ALDH1A1: variants seen among roughly 807,000 people sequenced by gnomAD.
ALDH1A1 encodes aldehyde dehydrogenase 1 family member A1, also known as aldehyde dehydrogenase 1A1.
A neutral mutation model predicts 62.1 loss-of-function variants in ALDH1A1; 19 were observed. The ratio of observed to expected loss-of-function variants is 0.31; its 90% CI spans 0.21 to 0.45. The LOEUF (loss-of-function observed/expected upper bound fraction) is 0.45. Ranked by LOEUF, ALDH1A1 falls within the 20% of genes least tolerant of loss-of-function variation. The probability of loss-of-function intolerance (pLI) is 1.00; values close to 1 mark genes in which losing one functional copy is unlikely to be tolerated. For synonymous variants in ALDH1A1, 231 were observed against 215.9 expected (o/e 1.07, Z -0.61); for missense variants, 521 against 607.1 (o/e 0.86, Z 1.49).
In ALDH1A1 at chr9:72,916,940, C is replaced by T. The variant is rs1227217601; in HGVS notation, c.1015G>A (p.Gly339Arg). Residue 339 changes from glycine to arginine, a missense_variant, in exon 9 of 13, where the codon GGA (glycine) becomes AGA (arginine). Physicochemically the swap from Gly to Arg is moderately radical, Grantham distance 125. Coordinates refer to ENST00000297785, the MANE Select transcript of ALDH1A1 (RefSeq NM_000689.5). ...KYILGNPLTP[G>R]VTQGPQIDKE... ...CTTACCTGAGGGCCTTGAGTGACTC[C>T]TGGGGTCAGAGGATTTCCAAGGATA... is the stretch of plus-strand genomic sequence containing the variant. 1.2e-6 allele frequency: 2 copies of T among 1,611,552 alleles called. No individual in the cohort carries two copies. Among genetic ancestry groups the T allele is most frequent in the Non-Finnish European group, 1.7e-6 (2 of 1,178,664 alleles).
chr9:72,916,826 G>A, intron 9 of ALDH1A1, 94 bp downstream of exon 9: 1 of 1,061,678 alleles, frequency 9.4e-7, no homozygotes, highest in Non-Finnish European at 1.3e-6. Flanking sequence ...AAGGTGTGCA[G>A]ATGGGAAGTA....
chr9:72,911,123 A>T (rs1032086732), intron 10 of ALDH1A1, among the ~76,000 whole-genome samples: 9 of 152,122 alleles, frequency 5.9e-5, no homozygotes, highest in African/African-American at 4.8e-5. Context: ...TATATAATGT[A>T]TATACACATT....
At chr9:72,951,997 A>G (rs1208693863) in intron 1 of ALDH1A1, among the ~76,000 whole-genome samples, 2 of 151,960 alleles carry the variant, frequency 1.3e-5, no homozygotes, top group Non-Finnish European at 2.9e-5. Context: ...AATATATAAC[A>G]GTGGGGACTT....
At chr9:72,906,053 A>T (rs756770659) in intron 11 of ALDH1A1, 21 bp from the exon 12 acceptor site, 1 of 1,586,228 alleles carries the variant, frequency 6.3e-7, no homozygotes, top group Non-Finnish European at 8.6e-7. Context: ...AGAAAAGTGC[A>T]TTATAGACAA....
intron 4 of ALDH1A1, among the ~76,000 whole-genome samples, chr9:72,928,590 G>C (rs911312890): frequency 6.0e-4 from 92 of 152,158 alleles, no homozygotes; most frequent in African/African-American, 2.0e-3. Flanking sequence ...TAAAAAGTTT[G>C]GGACCTTAGA....
At chr9:72,929,253 A>T (rs1242541646) in intron 3 of ALDH1A1, among the ~76,000 whole-genome samples, 1 of 152,148 alleles carries the variant, frequency 6.6e-6, no homozygotes, top group Non-Finnish European at 1.5e-5. Context: ...TGCTCTTTCT[A>T]TCTCATTTTG....
chr9:72,911,097 A>G, intron 10 of ALDH1A1, among the ~76,000 whole-genome samples: 1 of 152,280 alleles, frequency 6.6e-6, no homozygotes, highest in South Asian at 2.1e-4. Context: ...TTGTAGTTAA[A>G]TACTTGGTGA....
intron 2 of ALDH1A1, among the ~76,000 whole-genome samples, chr9:72,938,115 T>G (rs552214960): frequency 8.5e-5 from 13 of 152,194 alleles, no homozygotes; most frequent in African/African-American, 3.1e-4. Flanking sequence ...GCTAAAGTAA[T>G]GGAAAAGACT....
intron 1 of ALDH1A1, among the ~76,000 whole-genome samples, chr9:72,944,396 G>T (rs1261788464): frequency 1.3e-5 from 2 of 152,060 alleles, no homozygotes; most frequent in Non-Finnish European, 2.9e-5. Context: ...TGACCTAGAT[G>T]GTTAGAAGGC....
chr9:72,905,985 A>T lies in ALDH1A1; in HGVS notation c.1406T>A (p.Phe469Tyr). The change falls in exon 12 of 13, where the codon TTC becomes TAC. Residue 469 changes from phenylalanine to tyrosine, a missense_variant. Phe to Tyr is a conservative substitution (Grantham distance 22, BLOSUM62 3). Coordinates refer to ENST00000297785, the MANE Select transcript of ALDH1A1 (RefSeq NM_000689.5). ...TTCTCTTCCATTTCCAGACATCTTG[A>T]ATCCACCAAAGGGGCACTGGGCACT... is the stretch of plus-strand genomic sequence containing the variant. ...VVSAQCPFGG[F>Y]KMSGNGRELG... The T allele has an allele frequency of 1.2e-6, 2 of 1,612,136 alleles. No homozygotes were observed. The highest frequency in any genetic ancestry group is 4.5e-5 in the East Asian group (2 of 44,806).
At chr9:72,912,982 T>C (rs1830010513) in intron 9 of ALDH1A1, among the ~76,000 whole-genome samples, 1 of 152,148 alleles carries the variant, frequency 6.6e-6, no homozygotes, top group South Asian at 2.1e-4. Flanking sequence ...CGGTGAGGGC[T>C]GCCTATCTCA....
chr9:72,943,894 G>T (rs1830444668), intron 1 of ALDH1A1, among the ~76,000 whole-genome samples: 1 of 151,852 alleles, frequency 6.6e-6, no homozygotes, highest in Admixed American at 6.6e-5. Context: ...GGTGTAGAGG[G>T]GCATAGGCTG....
At chr9:72,904,424 A>G (rs1316581836) in intron 12 of ALDH1A1, among the ~76,000 whole-genome samples, 1 of 152,112 alleles carries the variant, frequency 6.6e-6, no homozygotes, top group African/African-American at 2.4e-5. Flanking sequence ...AACAAAATTC[A>G]CTAGCCCCTC....
At chr9:72,908,170 A>C (rs1291485837) in intron 11 of ALDH1A1, among the ~76,000 whole-genome samples, 1 of 152,082 alleles carries the variant, frequency 6.6e-6, no homozygotes, top group Non-Finnish European at 1.5e-5. Flanking sequence ...CTGTAATCCC[A>C]GCACCTTGGG....
chr9:72,901,359 G>T, intron 12 of ALDH1A1, 79 bp from the exon 13 acceptor site: 1 of 982,506 alleles, frequency 1.0e-6, no homozygotes, highest in Non-Finnish European at 1.6e-6. Context: ...TTTGGTACGA[G>T]TTTGTTCTTG....
At chr9:72,930,444 A>T (rs1830266777) in intron 3 of ALDH1A1, among the ~76,000 whole-genome samples, 2 of 152,194 alleles carry the variant, frequency 1.3e-5, no homozygotes, top group Admixed American at 1.3e-4. Context: ...CTAATGAGAA[A>T]TAAGATTTAT....
intron 5 of ALDH1A1, among the ~76,000 whole-genome samples, chr9:72,926,546 T>C (rs1430857815): frequency 6.6e-6 from 1 of 152,228 alleles, no homozygotes; most frequent in Non-Finnish European, 1.5e-5. Context: ...TACTTTCCTC[T>C]AAGAGTAATA....
intron 1 of ALDH1A1, among the ~76,000 whole-genome samples, chr9:72,948,336 T>C (rs926573275): frequency 2.6e-5 from 4 of 151,916 alleles, no homozygotes; most frequent in Non-Finnish European, 5.9e-5. Flanking sequence ...GCGTTGAACA[T>C]AAGTCCTTTC....
chr9:72,935,479 T>A (rs1588142038), intron 2 of ALDH1A1, among the ~76,000 whole-genome samples: 1 of 152,220 alleles, frequency 6.6e-6, no homozygotes, highest in Admixed American at 6.5e-5. Context: ...CATTTCCATA[T>A]TAAATTCATT....
Sources: allele counts gnomAD v4.1 joint callset (sites outside exome capture counted in the v4.1 genomes callset), GRCh38; gene constraint gnomAD v4.1.1; transcripts MANE v1.5; gene names NCBI Gene and HGNC (gene_info 2026-07-23, HGNC 2026-07-21).